XDH: variants seen among roughly 807,000 people sequenced by gnomAD.
The protein encoded by XDH is xanthine dehydrogenase/oxidase.
Under a neutral mutation model 156.1 loss-of-function variants are expected in XDH, and 138 were observed. That is an observed-to-expected ratio of 0.88 (90% CI 0.77 to 1.02). The LOEUF is 1.02. Among genes scored for constraint, XDH ranks in the 50% least tolerant of loss-of-function variants. The probability of loss-of-function intolerance (pLI) is 0.00; values close to 1 mark genes in which losing one functional copy is unlikely to be tolerated. For synonymous variants in XDH, 669 were observed against 625.7 expected (o/e 1.07, Z -1.03); for missense variants, 1,849 against 1,684.9 (o/e 1.10, Z -1.71).
At chr2:31,375,605 C>T in intron 14 of XDH, 51 bp from the exon 15 acceptor site, 1 of 1,594,388 alleles carries the variant, frequency 6.3e-7, no homozygotes, top group Non-Finnish European at 8.5e-7. Context: ...CCTCCAGACC[C>T]CTTTGTGTAG....
intron 34 of XDH, among the ~76,000 whole-genome samples, chr2:31,338,597 T>C (rs1280353270): frequency 6.6e-6 from 1 of 152,172 alleles, no homozygotes; most frequent in East Asian, 1.9e-4. Flanking sequence ...ATTAGTTGCC[T>C]TCCTTCTTCA....
intron 31 of XDH, among the ~76,000 whole-genome samples, chr2:31,343,173 C>T (rs761153355): frequency 6.6e-6 from 1 of 151,288 alleles, no homozygotes; most frequent in South Asian, 2.1e-4. Context: ...CTTTATAAAA[C>T]CTTAGTTTCA....
In XDH at chr2:31,375,527, G is replaced by A. The variant is rs370212949; in HGVS notation, c.1455C>T (p.Asp485=). ...GCTCCTCTGCCAGTCCTGCACACAC[G>A]TCCTGCAGCAGCTCCTCCTTCCAGA... ...SKLWKEELLQ[D]VCAGLAEELH... The change falls in exon 15 of 36, where the codon GAC becomes GAT. Residue 485 remains aspartate, a synonymous_variant. Transcript: ENST00000379416. 24 of 1,613,840 alleles carry A rather than the reference G, an allele frequency of 1.5e-5. No homozygotes were observed. The highest frequency in any genetic ancestry group is 1.7e-4 in the Middle Eastern group (1 of 5,926).
intron 14 of XDH, among the ~76,000 whole-genome samples, 194 bp downstream of exon 14, chr2:31,376,859 G>A (rs897347735): frequency 2.7e-5 from 4 of 150,376 alleles, no homozygotes; most frequent in Non-Finnish European, 4.4e-5. Context: ...TAGTAGTATC[G>A]GTAATAGTAG....
chr2:31,346,115 A>G (rs1041094586), intron 30 of XDH, among the ~76,000 whole-genome samples: 1 of 152,164 alleles, frequency 6.6e-6, no homozygotes, highest in African/African-American at 2.4e-5. Context: ...TACCACTCCA[A>G]TACTGGGGAA....
At chr2:31,411,596 T>C (rs988918073) in intron 1 of XDH, among the ~76,000 whole-genome samples, 1 of 152,168 alleles carries the variant, frequency 6.6e-6, no homozygotes, top group East Asian at 1.9e-4. Flanking sequence ...TATAAAATAA[T>C]TGTAAAATAC....
chr2:31,368,152 C>T (rs1685972929), intron 19 of XDH, 95 bp from the exon 20 acceptor site: 13 of 1,119,106 alleles, frequency 1.2e-5, no homozygotes, highest in Non-Finnish European at 1.6e-5. Flanking sequence ...GAATTGTTGA[C>T]TCTCTCTTTC....
chr2:31,390,188 T>C (rs900050908), intron 6 of XDH, among the ~76,000 whole-genome samples: 1 of 152,240 alleles, frequency 6.6e-6, no homozygotes, highest in Non-Finnish European at 1.5e-5. Context: ...CTGTTTCCCC[T>C]AATCACTGGC....
At chr2:31,351,330 C>G (rs1456177943) in intron 24 of XDH, among the ~76,000 whole-genome samples, 1 of 152,136 alleles carries the variant, frequency 6.6e-6, no homozygotes, top group Non-Finnish European at 1.5e-5. Context: ...TATTACTAAG[C>G]CAACTTAAAG....
intron 20 of XDH, among the ~76,000 whole-genome samples, chr2:31,367,504 T>C (rs1481429547): frequency 6.6e-6 from 1 of 152,086 alleles, no homozygotes; most frequent in African/African-American, 2.4e-5. Context: ...TGTGTTGTCC[T>C]GGGGTGGGAG....
intron 6 of XDH, among the ~76,000 whole-genome samples, chr2:31,396,121 T>A (rs878894101): frequency 6.6e-6 from 1 of 152,174 alleles, no homozygotes; most frequent in Non-Finnish European, 1.5e-5. Flanking sequence ...ATGAGTAACA[T>A]GCATTAGCTT....
At chr2:31,403,491 C>T (rs1234384721) in intron 2 of XDH, among the ~76,000 whole-genome samples, 1 of 152,136 alleles carries the variant, frequency 6.6e-6, no homozygotes, top group Non-Finnish European at 1.5e-5. Flanking sequence ...AAATCATACA[C>T]CTGAGCATAC....
intron 33 of XDH, 99 bp downstream of exon 33, chr2:31,341,230 G>T: frequency 8.2e-7 from 1 of 1,222,346 alleles, no homozygotes; most frequent in Non-Finnish European, 1.2e-6. Flanking sequence ...CCTGTTTGAA[G>T]ACAACCTTGG....
intron 6 of XDH, among the ~76,000 whole-genome samples, chr2:31,389,828 CT>C (rs1428690226): frequency 1.3e-5 from 2 of 151,800 alleles, no homozygotes; most frequent in East Asian, 3.9e-4. Flanking sequence ...GCTAAGGCTT[CT>C]GCACTGGTGC....
At chr2:31,404,877 G>A (rs1351060452) in intron 2 of XDH, among the ~76,000 whole-genome samples, 1 of 152,186 alleles carries the variant, frequency 6.6e-6, no homozygotes, top group Non-Finnish European at 1.5e-5. Context: ...GTGAAAGCAT[G>A]GGCTCCAGTC....
At chr2:31,382,545 T>G (rs6720163) in intron 11 of XDH, among the ~76,000 whole-genome samples, 70,728 of 151,970 alleles carry the variant, frequency 0.47, 17,432 homozygotes, top group African/African-American at 0.62. Flanking sequence ...TCAACAGGTG[T>G]ATTCCTCCCT....
chr2:31,343,310 A>ATATGCATGTT lies in XDH; in HGVS notation c.3405-1014_3405-1013insAACATGCATA, dbSNP rs1553411673. Among the ~76,000 whole-genome samples, 738 of 101,998 alleles carry ATATGCATGTT rather than the reference A, an allele frequency of 7.2e-3. 15 individuals carry two copies. Among genetic ancestry groups the ATATGCATGTT allele is most frequent in the Non-Finnish European group, 9.7e-3 (497 of 51,462 alleles). 66.9% of individuals were successfully genotyped at this position (101,998 alleles called of 152,430 possible). On this transcript the variant is annotated intron_variant, in intron 31 of 35. Coordinates refer to ENST00000379416, the MANE Select transcript of XDH (RefSeq NM_000379.4). ...CATATATATATATATATATATATAT[A>ATATGCATGTT]TATATATATATATATATGCATGTTT...
chr2:31,336,168 A>C (rs142494826), intron 35 of XDH, among the ~76,000 whole-genome samples, 160 bp from the exon 36 acceptor site: 55 of 152,280 alleles, frequency 3.6e-4, no homozygotes, highest in African/African-American at 1.2e-3. Flanking sequence ...AGGACTCCTT[A>C]ATTTCCTAAG....
chr2:31,358,649 G>GA (rs550681329), intron 24 of XDH, among the ~76,000 whole-genome samples: 70 of 152,012 alleles, frequency 4.6e-4, no homozygotes, highest in East Asian at 3.1e-3. Context: ...AGCTAAAGAA[G>GA]AAAAAATCAC....
Sources: gnomAD v4.1 joint callset for allele counts (sites outside exome capture counted in the v4.1 genomes callset) on GRCh38, gnomAD v4.1.1 for gene constraint, MANE v1.5 for transcripts, NCBI Gene and HGNC (gene_info 2026-07-23, HGNC 2026-07-21) for gene names.